INPP5D: variants seen among roughly 807,000 people sequenced by gnomAD.
The protein encoded by INPP5D is inositol polyphosphate-5-phosphatase D, also known as phosphatidylinositol 3,4,5-trisphosphate 5-phosphatase 1.
Under a neutral mutation model 122.9 loss-of-function variants are expected in INPP5D, and 33 were observed. The observed-to-expected ratio is 0.27, with a 90% CI of 0.20 to 0.36. The LOEUF (loss-of-function observed/expected upper bound fraction) is 0.36. Ranked by LOEUF, INPP5D falls within the 10% of genes least tolerant of loss-of-function variation. The pLI is 1.00. For missense variants in INPP5D, 1,053 were observed against 1,412.7 expected (o/e 0.75, Z 4.08); for synonymous variants, 584 against 576.2 (o/e 1.01, Z -0.19).
rs1695551629 is a variant in INPP5D, at chr2:233,207,770, A to T, written c.*1062A>T. ...GAATAGATGGGTGATGTCTTTCCTTATGTTGCTTTTTCAACATAGCAGAAT... is the reference window on the plus strand; with the variant it reads ...GAATAGATGGGTGATGTCTTTCCTTTTGTTGCTTTTTCAACATAGCAGAAT... On this transcript the variant is annotated 3_prime_UTR_variant, in exon 27 of 27. Coordinates refer to ENST00000445964, the MANE Select transcript of INPP5D (RefSeq NM_001017915.3). The surrounding 1 kb of genome is among the most constrained non-coding windows in gnomAD (Gnocchi z 4.6). 6.6e-6 allele frequency: 1 copy of T among 152,220 alleles called. No individual in the cohort carries two copies. Among genetic ancestry groups the T allele is most frequent in the African/African-American group, 2.4e-5 (1 of 41,398 alleles). The allele number at this position is 152,220 out of a possible 1,614,324, so 9.4% of individuals were successfully genotyped here.
At position 233,180,537 on chromosome 2, in the gene INPP5D, T is replaced by C. The variant is rs111697864; in HGVS notation, c.2072-1873T>C. The stretch of plus-strand genomic sequence containing the variant: ...TCTTGCCTGTGTCCAGTTTTTTGTT[T>C]TTTTTGTTTTGTTTTGTTTTTTGAG... On this transcript the variant is annotated intron_variant, in intron 18 of 26. Transcript: ENST00000445964. 2.9e-3 allele frequency among the ~76,000 whole-genome samples: 439 copies of C among 152,184 alleles called. 2 individuals carry two copies. Among genetic ancestry groups the C allele is most frequent in the African/African-American group, 9.4e-3 (391 of 41,514 alleles).
At chr2:233,149,267 A>AT (rs1281745442) in intron 9 of INPP5D, among the ~76,000 whole-genome samples, 2 of 151,796 alleles carry the variant, frequency 1.3e-5, no homozygotes, top group South Asian at 2.1e-4. Context: ...ACGCCCAGCT[A>AT]TTTTTTTATT....
intron 25 of INPP5D, among the ~76,000 whole-genome samples, chr2:233,201,008 A>ATAAATAAATAAATAAG: frequency 6.8e-6 from 1 of 147,130 alleles, no homozygotes; most frequent in African/African-American, 2.5e-5. Context: ...AAATAAATAA[A>ATAAATAAATAAATAAG]TAGATGAGAG....
chr2:233,157,998 G>T (rs761705347), intron 9 of INPP5D, among the ~76,000 whole-genome samples: 2 of 152,070 alleles, frequency 1.3e-5, no homozygotes, highest in Non-Finnish European at 2.9e-5. Context: ...AAGGAGGGAG[G>T]GAGAAGAGGA....
chr2:233,170,542 A>T lies in INPP5D; in HGVS notation c.1838A>T (p.Asp613Val), dbSNP rs947043094. 2.5e-6 allele frequency: 4 copies of T among 1,613,492 alleles called. No homozygotes were observed. In the African/African-American group the frequency reaches 4.0e-5, roughly 16 times the overall value. The change falls in exon 16 of 27, where the codon GAC (aspartate) becomes GTC (valine). Residue 613 changes from aspartate to valine, a missense_variant. Asp to Val is a radical substitution (Grantham distance 152, BLOSUM62 -3). Around this residue, in one of 6 missense-constraint regions of INPP5D, gnomAD observed 258 missense variants for 439.1 expected, o/e 0.59. Coordinates refer to ENST00000445964, the MANE Select transcript of INPP5D (RefSeq NM_001017915.3). This position sits in a 1 kb window ranked among gnomAD's most constrained non-coding sequence, Gnocchi z 4.5. ...AAAATCAAGCAGCAGCAGTACGCAGACCTCCTGTCCCACGACCAGCTGCTC... is the reference window on the plus strand; with the variant it reads ...AAAATCAAGCAGCAGCAGTACGCAGTCCTCCTGTCCCACGACCAGCTGCTC... The part of the protein sequence containing the change: ...IQKIKQQQYA[D>V]LLSHDQLLTE...
chr2:233,109,653 A>C (rs1245826984), intron 2 of INPP5D, among the ~76,000 whole-genome samples: 1 of 151,964 alleles, frequency 6.6e-6, no homozygotes, highest in East Asian at 1.9e-4. Flanking sequence ...ATCTCGGCTC[A>C]CTGCAACCTC....
At position 233,060,443 on chromosome 2, in the gene INPP5D, T is replaced by A; in HGVS notation, c.-36T>A. 1 of 1,559,412 alleles carries A rather than the reference T, an allele frequency of 6.4e-7. No individual in the cohort carries two copies. Among genetic ancestry groups the A allele is most frequent in the South Asian group, 1.2e-5 (1 of 85,850 alleles). ...CTCGGTGGTGTGTGGGTCCTGGGGG[T>A]GCCTGCCGGCCCGGCCGAGGAGGCC... On this transcript the variant is annotated 5_prime_UTR_variant, in exon 1 of 27. Coordinates refer to ENST00000445964, the MANE Select transcript of INPP5D (RefSeq NM_001017915.3).
At chr2:233,169,754 C>G in intron 14 of INPP5D, 1 of 604,326 alleles carries the variant, frequency 1.7e-6, no homozygotes, top group South Asian at 2.2e-5. Context: ...CATCTAGAAT[C>G]TTCACTGTTC....
chr2:233,155,366 T>C (rs1694022447), intron 9 of INPP5D, among the ~76,000 whole-genome samples: 1 of 152,130 alleles, frequency 6.6e-6, no homozygotes, highest in Non-Finnish European at 1.5e-5. Flanking sequence ...CTCACGCCTG[T>C]AATCCCAGCG....
chr2:233,089,827 C>T (rs1192624932), intron 2 of INPP5D, among the ~76,000 whole-genome samples: 3 of 152,238 alleles, frequency 2.0e-5, no homozygotes, highest in Non-Finnish European at 4.4e-5. Context: ...CAAGATTAGA[C>T]TCTGAACCCC....
rs1029724408 is a variant in INPP5D at position 233,147,561 on chromosome 2, G to A, written c.997G>A (p.Gly333Ser). Residue 333 changes from glycine to serine, a missense_variant, in exon 9 of 27, where the codon GGT becomes AGT. By Grantham distance (56) the Gly-to-Ser change is moderately conservative (BLOSUM62 0). Around this residue, in one of 6 missense-constraint regions of INPP5D, gnomAD observed 105 missense variants for 199.8 expected, o/e 0.53. Transcript: ENST00000445964. ...ACTGATCATTAAGAAGTCCAAGGAT[G>A]GTTCTGAGGACAAGTTCTACAGCCA... The part of the protein sequence containing the change: ...GKLIIKKSKD[G>S]SEDKFYSHKK... 4 of 704,180 alleles carry A rather than the reference G, an allele frequency of 5.7e-6. No homozygotes were observed. In the African/African-American group the frequency reaches 7.0e-5, roughly 12 times the overall value. The allele number at this position is 704,180 out of a possible 1,614,324, so 43.6% of individuals were successfully genotyped here.
chr2:233,195,562 T>A (rs756909310), intron 24 of INPP5D, 67 bp downstream of exon 24: 588 of 1,605,558 alleles, frequency 3.7e-4, no homozygotes, highest in Non-Finnish European at 4.5e-4. Context: ...ATTAGCATGG[T>A]TTGGCCGGGT....
intron 1 of INPP5D, among the ~76,000 whole-genome samples, chr2:233,075,734 C>T (rs115272530): frequency 7.9e-5 from 12 of 152,210 alleles, no homozygotes; most frequent in African/African-American, 2.9e-4. Flanking sequence ...TACTACTGCT[C>T]ACCCAACGAC....
intron 4 of INPP5D, among the ~76,000 whole-genome samples, chr2:233,126,389 C>T (rs74973528): frequency 1.3e-5 from 2 of 152,188 alleles, no homozygotes; most frequent in Non-Finnish European, 2.9e-5. Flanking sequence ...TACTCTCTCA[C>T]TTGGCAAAAT....
intron 1 of INPP5D, among the ~76,000 whole-genome samples, chr2:233,068,439 G>A (rs184732869): frequency 0.053 from 8,017 of 150,648 alleles, 558 homozygotes; most frequent in African/African-American, 0.16. Flanking sequence ...CTAAAAATAC[G>A]AAAAATTTAG....
chr2:233,063,385 G>A (rs926357597), intron 1 of INPP5D, among the ~76,000 whole-genome samples: 1 of 152,218 alleles, frequency 6.6e-6, no homozygotes, highest in African/African-American at 2.4e-5. Flanking sequence ...AGGGGACAAC[G>A]GCCGGAGTCT....
At chr2:233,154,161 T>C (rs1693991195) in intron 9 of INPP5D, among the ~76,000 whole-genome samples, 1 of 151,452 alleles carries the variant, frequency 6.6e-6, no homozygotes, top group African/African-American at 2.4e-5. Flanking sequence ...CTTTTTGTTT[T>C]TTTTGAGACA....
intron 9 of INPP5D, among the ~76,000 whole-genome samples, chr2:233,153,198 G>T (rs1414096524): frequency 1.3e-5 from 2 of 152,280 alleles, no homozygotes; most frequent in East Asian, 3.9e-4. Flanking sequence ...ACATCCTGGG[G>T]GCAACCGCAC....
chr2:233,193,987 C>T, intron 23 of INPP5D, 26 bp downstream of exon 23: 1 of 1,552,208 alleles, frequency 6.4e-7, no homozygotes, highest in Non-Finnish European at 8.7e-7. Context: ...CTCCCCAGCG[C>T]CCTCTTCAGC....
Sources: allele counts gnomAD v4.1 joint callset (sites outside exome capture counted in the v4.1 genomes callset), GRCh38; gene constraint gnomAD v4.1.1; regional missense constraint gnomAD v4.1.1; non-coding constraint Gnocchi (gnomAD v3.1); transcripts MANE v1.5; gene names NCBI Gene and HGNC (gene_info 2026-07-23, HGNC 2026-07-21).